Variants in UNK observed in about 807,000 individuals in gnomAD.
The protein encoded by UNK is unk zinc finger.
UNK carries 32 observed loss-of-function variants against 97.6 expected under a neutral mutation model. The observed-to-expected ratio is 0.33, with a 90% CI of 0.25 to 0.44. The LOEUF (loss-of-function observed/expected upper bound fraction) is 0.44, where lower values mean the gene tolerates loss of function less well. Ranked by LOEUF, UNK falls within the 20% of genes least tolerant of loss-of-function variation. The probability of loss-of-function intolerance (pLI) is 1.00; values close to 1 mark genes in which losing one functional copy is unlikely to be tolerated. For synonymous variants in UNK, 441 were observed against 461.2 expected (o/e 0.96, Z 0.56); for missense variants, 771 against 1,098.4 (o/e 0.70, Z 4.21).
chr17:75,805,219 A>G (rs2061900985), intron 1 of UNK, among the ~76,000 whole-genome samples: 2 of 151,252 alleles, frequency 1.3e-5, no homozygotes, highest in South Asian at 4.2e-4. Flanking sequence ...AGCCTTGGCA[A>G]CACAGTGAAA....
intron 1 of UNK, chr17:75,793,660 C>G: frequency 1.0e-6 from 1 of 983,548 alleles, no homozygotes; most frequent in South Asian, 4.7e-5. Context: ...TCCTCCCCTT[C>G]CTTATTCTTT....
intron 5 of UNK, 120 bp from the exon 6 acceptor site, chr17:75,813,641 C>G: frequency 2.3e-6 from 2 of 851,488 alleles, no homozygotes; most frequent in Non-Finnish European, 3.6e-6. Context: ...GGCCCTGACT[C>G]TGCAGCTGGT....
chr17:75,824,177 G>C lies in UNK; in HGVS notation c.2278-85G>C. 1 of 1,423,384 alleles carries C rather than the reference G, an allele frequency of 7.0e-7. No homozygotes were observed. The highest frequency in any genetic ancestry group is 2.9e-5 in the East Asian group (1 of 34,900). 88.2% of individuals were successfully genotyped at this position (1,423,384 alleles called of 1,614,324 possible). On this transcript the variant is annotated intron_variant, in intron 15 of 15. Transcript: ENST00000589666. The surrounding 1 kb of genome is among the most constrained non-coding windows in gnomAD (Gnocchi z 4.9). ...GGTACCTCAGTTTTCCCATCCCAAG[G>C]GGCTGCAGTGAGGATCAAGGGAACT...
intron 1 of UNK, among the ~76,000 whole-genome samples, chr17:75,794,866 A>C (rs1432230204): frequency 6.6e-6 from 1 of 152,214 alleles, no homozygotes; most frequent in East Asian, 1.9e-4. Context: ...TAAAGCGCTT[A>C]AAACAGTGCT....
At chr17:75,785,517 A>G (rs1186945780) in intron 1 of UNK, 5 of 152,738 alleles carry the variant, frequency 3.3e-5, no homozygotes, top group African/African-American at 7.2e-5. Flanking sequence ...TAAACATGCA[A>G]AGATGGAAAC....
At chr17:75,821,681 T>A (rs1367141028) in intron 13 of UNK, 1 of 456,600 alleles carries the variant, frequency 2.2e-6, no homozygotes. Flanking sequence ...AAGGAAGAAG[T>A]CACCAGAAAG....
chr17:75,819,993 A>G lies in UNK; in HGVS notation c.1722A>G (p.Ser574=). ...TGGGCAGCTCTGCCTCCTTCCACTC[A>G]GCATCCCCGTCCCCTCCCGTCAGCC... ...GSLGSSASFH[S]ASPSPPVSLS... is the part of the protein sequence containing the mutation. Residue 574 remains serine, a synonymous_variant, in exon 13 of 16, where the codon TCA becomes TCG. Transcript: ENST00000589666. This position sits in a 1 kb window ranked among gnomAD's most constrained non-coding sequence, Gnocchi z 5.4. 2 of 1,613,772 alleles carry G rather than the reference A, an allele frequency of 1.2e-6. No homozygotes were observed. Among genetic ancestry groups the G allele is most frequent in the Non-Finnish European group, 8.5e-7 (1 of 1,179,848 alleles).
chr17:75,805,194 AAT>A (rs1365552105), intron 1 of UNK, among the ~76,000 whole-genome samples: 3 of 150,612 alleles, frequency 2.0e-5, no homozygotes, highest in African/African-American at 7.3e-5. Flanking sequence ...AAAAAAAAAA[AAT>A]ATTATATGCT....
intron 1 of UNK, among the ~76,000 whole-genome samples, chr17:75,809,258 A>G (rs935025921): frequency 1.3e-5 from 2 of 152,194 alleles, no homozygotes; most frequent in East Asian, 1.9e-4. Flanking sequence ...CTGGGCTTTC[A>G]GCTTCAGAGC....
chr17:75,804,817 G>T (rs1057264511), intron 1 of UNK, among the ~76,000 whole-genome samples: 1 of 151,904 alleles, frequency 6.6e-6, no homozygotes, highest in Admixed American at 6.6e-5. Flanking sequence ...CTCCAGCCTG[G>T]TCAACAGAGC....
At chr17:75,810,113 A>C in intron 2 of UNK, 144 bp downstream of exon 2, 1 of 981,570 alleles carries the variant, frequency 1.0e-6, no homozygotes, top group Non-Finnish European at 1.5e-6. Context: ...CTCAGACCCC[A>C]CCATCCCTGG....
At chr17:75,806,319 C>T (rs959377877) in intron 1 of UNK, among the ~76,000 whole-genome samples, 1 of 151,282 alleles carries the variant, frequency 6.6e-6, no homozygotes, top group Admixed American at 6.6e-5. Context: ...ATTAGCCAGG[C>T]GTGGTAGCAT....
chr17:75,803,679 G>A (rs2061884566), intron 1 of UNK, among the ~76,000 whole-genome samples: 1 of 152,112 alleles, frequency 6.6e-6, no homozygotes, highest in African/African-American at 2.4e-5. Flanking sequence ...ATTTTACTTG[G>A]TTTTGTGAAT....
chr17:75,809,617 A>T, intron 1 of UNK, 143 bp from the exon 2 acceptor site: 1 of 841,952 alleles, frequency 1.2e-6, no homozygotes, highest in South Asian at 1.7e-5. Context: ...GTAGCCTTAC[A>T]GCTCTGGGTC....
Position 75,819,676 on chromosome 17 carries a change from G to C in UNK, c.1547-8G>C. On this transcript the variant is annotated splice_polypyrimidine_tract_variant and splice_region_variant and intron_variant, in intron 11 of 15. Transcript: ENST00000589666. The surrounding 1 kb of genome is among the most constrained non-coding windows in gnomAD (Gnocchi z 5.4). ...GGGAGGTCACATCCCACTCTTCTCTGTCCCTAGAGTCTGCTTTGGATGACC... is the reference window on the plus strand; with the variant it reads ...GGGAGGTCACATCCCACTCTTCTCTCTCCCTAGAGTCTGCTTTGGATGACC... 7 of 1,613,750 alleles carry C rather than the reference G, an allele frequency of 4.3e-6. No homozygotes were observed. In the South Asian group the frequency reaches 7.7e-5, roughly 18 times the overall value.
intron 1 of UNK, among the ~76,000 whole-genome samples, chr17:75,804,799 C>T (rs1393299655): frequency 1.3e-5 from 2 of 151,902 alleles, no homozygotes; most frequent in Admixed American, 6.6e-5. Flanking sequence ...CGAGATTGCG[C>T]CACTGCACTC....
chr17:75,797,409 A>AT (rs1331018376), intron 1 of UNK, among the ~76,000 whole-genome samples: 1 of 152,066 alleles, frequency 6.6e-6, no homozygotes, highest in African/African-American at 2.4e-5. Context: ...TAATTTTTGT[A>AT]TTTTTAGTAG....
At position 75,784,927 on chromosome 17, in the gene UNK, C is replaced by T. The variant is rs755934572; in HGVS notation, c.47C>T (p.Pro16Leu). ...GGCGGCTCCGCAGCTTCCTCGGCGC[C>T]CCCGGCCGCTACCGCTCAGGTGCTG... ...GPGGSAASSA[P>L]PAATAQVLQA... Residue 16 changes from proline (P) to leucine (L), a missense_variant, in exon 1 of 16, where the codon CCC (proline) becomes CTC (leucine). Physicochemically the swap from Pro to Leu is moderately conservative, Grantham distance 98. Transcript: ENST00000589666. The T allele has an allele frequency of 5.8e-6, 9 of 1,558,770 alleles. No homozygotes were observed. Among genetic ancestry groups the T allele is most frequent in the Non-Finnish European group, 7.8e-6 (9 of 1,155,268 alleles).
intron 14 of UNK, 86 bp downstream of exon 14, chr17:75,822,744 G>T: frequency 7.2e-7 from 1 of 1,380,806 alleles, no homozygotes; most frequent in East Asian, 2.7e-5. Context: ...GCGTGGGGTG[G>T]GGGAAAGCGG....
Sources: allele counts gnomAD v4.1 joint callset (sites outside exome capture counted in the v4.1 genomes callset), GRCh38; gene constraint gnomAD v4.1.1; non-coding constraint Gnocchi (gnomAD v3.1); transcripts MANE v1.5; gene names NCBI Gene and HGNC (gene_info 2026-07-23, HGNC 2026-07-21).